MCM5: variants seen among roughly 807,000 people sequenced by gnomAD.
MCM5 encodes the protein minichromosome maintenance complex component 5, also known as DNA replication licensing factor MCM5.
A neutral mutation model predicts 79.9 loss-of-function variants in MCM5; 46 were observed. The ratio of observed to expected loss-of-function variants is 0.58; its 90% CI spans 0.45 to 0.74. The LOEUF is 0.74. MCM5 is among the 30% of genes least tolerant of loss of function. The probability of loss-of-function intolerance (pLI) is 0.00; values close to 1 mark genes in which losing one functional copy is unlikely to be tolerated. For synonymous variants in MCM5, 404 were observed against 390.5 expected (o/e 1.03, Z -0.41); for missense variants, 883 against 1,017.0 (o/e 0.87, Z 1.79).
chr22:35,418,333 A>G (rs902836355), intron 13 of MCM5, among the ~76,000 whole-genome samples: 5 of 152,148 alleles, frequency 3.3e-5, no homozygotes, highest in African/African-American at 4.8e-5. Flanking sequence ...CTGCAATTTG[A>G]TTGTTCTCAC....
At chr22:35,442,925 AT>A in the MCM5 span, among the ~76,000 whole-genome samples, 1 of 152,140 alleles carries the variant, frequency 6.6e-6, no homozygotes, top group East Asian at 1.9e-4. Flanking sequence ...TGGCAGGAGG[AT>A]AAAGTGAGGG....
rs758596148 is a variant in MCM5 at position 35,412,538 on chromosome 22, C to A, written c.948C>A (p.Pro316=). 12 of 1,574,946 alleles carry A rather than the reference C, an allele frequency of 7.6e-6. No individual in the cohort carries two copies. The highest frequency in any genetic ancestry group is 1.0e-5 in the Non-Finnish European group (12 of 1,158,280). The change falls in exon 8 of 17, where the codon CCC becomes CCA. Residue 316 remains proline, a synonymous_variant. Transcript: ENST00000216122. The part of the protein sequence containing the change: ...SGRSFAGAVS[P]QEEEEFRRLA... ...GCAGCTTTGCTGGGGCCGTGAGCCC[C>A]CAGGAGGAGGAGGAGTTCCGTCGCC...
chr22:35,453,819 T>TATATAGAGAG, the MCM5 span, among the ~76,000 whole-genome samples: 1,676 of 81,368 alleles, frequency 0.021, 31 homozygotes, highest in Middle Eastern at 0.031. Flanking sequence ...TATATATATA[T>TATATAGAGAG]AGAGAGAGAG....
chr22:35,406,416 C>A, intron 4 of MCM5, 137 bp from the exon 5 acceptor site: 1 of 695,464 alleles, frequency 1.4e-6, no homozygotes, highest in Non-Finnish European at 2.3e-6. Context: ...ATTTTTTGAG[C>A]GGAACAGAAG....
chr22:35,417,637 C>T, intron 12 of MCM5, 107 bp from the exon 13 acceptor site: 1 of 782,470 alleles, frequency 1.3e-6, no homozygotes, highest in East Asian at 2.5e-5. Context: ...CTTTCCGGCT[C>T]CTTGATGCCA....
intron 2 of MCM5, among the ~76,000 whole-genome samples, chr22:35,401,999 A>G (rs2039500900): frequency 6.6e-6 from 1 of 152,210 alleles, no homozygotes; most frequent in African/African-American, 2.4e-5. Context: ...GCTCCTGGAC[A>G]TAAGGGAGAC....
rs1206678994 is a variant in MCM5 at position 35,416,784 on chromosome 22, C to T, written c.1560C>T (p.Val520=). ...ILSRFDMIFI[V]KDEHNEERDV... is the part of the protein sequence containing the mutation. The stretch of plus-strand genomic sequence containing the variant: ...CGCGCTTCGACATGATCTTCATCGT[C>T]AAGGATGAGCACAATGAGGAGAGGG... The change falls in exon 12 of 17, where the codon GTC becomes GTT. Residue 520 remains valine, a synonymous_variant. Transcript: ENST00000216122. 6.2e-7 allele frequency: 1 copy of T among 1,613,892 alleles called. No individual in the cohort carries two copies. Among genetic ancestry groups the T allele is most frequent in the African/African-American group, 1.3e-5 (1 of 74,900 alleles).
intron 14 of MCM5, 66 bp from the exon 15 acceptor site, chr22:35,421,252 C>T (rs989932885): frequency 2.5e-5 from 39 of 1,537,652 alleles, no homozygotes; most frequent in Admixed American, 9.3e-5. Flanking sequence ...TCCCTGGTAA[C>T]GGGCTGGCTG....
At position 35,419,973 on chromosome 22, in the gene MCM5, G is replaced by C; in HGVS notation, c.1793G>C (p.Arg598Thr). 1 of 1,612,784 alleles carries C rather than the reference G, an allele frequency of 6.2e-7. No homozygotes were observed. The change falls in exon 14 of 17, where the codon AGG (arginine) becomes ACG (threonine). Residue 598 changes from arginine (R) to threonine (T), a missense_variant. This residue lies in a region of MCM5 where 426 missense variants were observed against 482.3 expected (regional missense o/e 0.88). Transcript: ENST00000216122. ...IMRSGARQHE[R>T]DSDRRSSIPI... ...CGGAGCGGGGCCCGTCAGCACGAGA[G>C]GGACAGTGACCGCCGCTCCAGCATC... is the stretch of plus-strand genomic sequence containing the variant.
intron 6 of MCM5, chr22:35,410,049 G>A (rs2145789876): frequency 6.5e-6 from 1 of 152,790 alleles, no homozygotes; most frequent in South Asian, 2.0e-4. Flanking sequence ...GAGCTGTGAT[G>A]CCTGATGGTA....
Position 35,419,976 on chromosome 22 carries a change from A to G in MCM5, c.1796A>G (p.Asp599Gly). ...AGCGGGGCCCGTCAGCACGAGAGGG[A>G]CAGTGACCGCCGCTCCAGCATCCCC... ...MRSGARQHER[D>G]SDRRSSIPIT... The change falls in exon 14 of 17, where the codon GAC becomes GGC. Residue 599 changes from aspartate (D) to glycine (G), a missense_variant. By Grantham distance (94) the Asp-to-Gly change is moderately conservative (BLOSUM62 -1). This residue lies in a region of MCM5 where 426 missense variants were observed against 482.3 expected (regional missense o/e 0.88). Coordinates refer to ENST00000216122, the MANE Select transcript of MCM5 (RefSeq NM_006739.4). 1 of 1,612,482 alleles carries G rather than the reference A, an allele frequency of 6.2e-7. No individual in the cohort carries two copies. Among genetic ancestry groups the G allele is most frequent in the Non-Finnish European group, 8.5e-7 (1 of 1,179,322 alleles).
At chr22:35,415,790 G>T (rs1331833435) in intron 9 of MCM5, 39 bp from the exon 10 acceptor site, 1 of 1,600,738 alleles carries the variant, frequency 6.2e-7, no homozygotes. Flanking sequence ...TCAAAGCATG[G>T]AGTTGTTATT....
At chr22:35,443,998 G>A in the MCM5 span, among the ~76,000 whole-genome samples, 2 of 152,192 alleles carry the variant, frequency 1.3e-5, no homozygotes, top group South Asian at 2.1e-4. Context: ...TGGGAGCAGG[G>A]ATAGTTCCTG....
chr22:35,453,632 C>G, the MCM5 span, among the ~76,000 whole-genome samples: 3,482 of 150,060 alleles, frequency 0.023, 60 homozygotes, highest in South Asian at 0.038. Flanking sequence ...AAGACAGAGA[C>G]AGAGGGACAG....
At chr22:35,407,106 C>G (rs377601247) in intron 5 of MCM5, among the ~76,000 whole-genome samples, 12 of 151,824 alleles carry the variant, frequency 7.9e-5, no homozygotes, top group African/African-American at 2.9e-4. Context: ...TTAAGTATTG[C>G]CCACAGCTGG....
chr22:35,453,533 G>T, the MCM5 span, among the ~76,000 whole-genome samples: 1 of 141,964 alleles, frequency 7.0e-6, no homozygotes, highest in Non-Finnish European at 1.5e-5. Context: ...ACAGAAAGGG[G>T]CAGAGATAGA....
At chr22:35,444,320 A>G in the MCM5 span, among the ~76,000 whole-genome samples, 87 of 151,934 alleles carry the variant, frequency 5.7e-4, no homozygotes, top group African/African-American at 1.7e-3. Context: ...AGGTAATTCA[A>G]GGGGGAAGCA....
At chr22:35,438,939 T>C in the MCM5 span, among the ~76,000 whole-genome samples, 146 of 85,878 alleles carry the variant, frequency 1.7e-3, no homozygotes, top group East Asian at 4.8e-3. Context: ...ATCCATCCAT[T>C]CATCCATCCA....
intron 13 of MCM5, 102 bp from the exon 14 acceptor site, chr22:35,419,781 TG>T: frequency 5.7e-6 from 7 of 1,235,414 alleles, no homozygotes; most frequent in Non-Finnish European, 7.8e-6. Context: ...TGTGGTGTGG[TG>T]GGAAAGTGCA....
Sources: allele counts gnomAD v4.1 joint callset (sites outside exome capture counted in the v4.1 genomes callset), GRCh38; gene constraint gnomAD v4.1.1; regional missense constraint gnomAD v4.1.1; transcripts MANE v1.5; gene names NCBI Gene and HGNC (gene_info 2026-07-23, HGNC 2026-07-21).